ARHGAP19: variants seen among roughly 807,000 people sequenced by gnomAD.
ARHGAP19 encodes rho GTPase-activating protein 19.
ARHGAP19 carries 48 observed loss-of-function variants against 60.9 expected under a neutral mutation model. The observed-to-expected ratio is 0.79, with a 90% CI of 0.62 to 1.00. The LOEUF is 1.00. Ranked by LOEUF, ARHGAP19 falls within the 50% of genes least tolerant of loss-of-function variation. The pLI is 0.00. For missense variants in ARHGAP19, 562 were observed against 597.2 expected, an observed-to-expected ratio of 0.94 and a Z score of 0.61; for synonymous variants, 209 against 215.5, an observed-to-expected ratio of 0.97 and a Z score of 0.27.
intron 1 of ARHGAP19, among the ~76,000 whole-genome samples, chr10:97,267,321 G>A (rs1383123962): frequency 6.6e-6 from 1 of 152,206 alleles, no homozygotes; most frequent in Non-Finnish European, 1.5e-5. Flanking sequence ...GGGTTCTCAT[G>A]GTCTTGGGCA....
intron 5 of ARHGAP19, among the ~76,000 whole-genome samples, chr10:97,258,968 C>A (rs1408552950): frequency 6.6e-6 from 1 of 152,138 alleles, no homozygotes; most frequent in African/African-American, 2.4e-5. Flanking sequence ...AGGATTGCTC[C>A]AAGTGTCATC....
intron 8 of ARHGAP19, among the ~76,000 whole-genome samples, chr10:97,240,629 CGA>C (rs2134831238): frequency 6.6e-6 from 1 of 152,218 alleles, no homozygotes; most frequent in South Asian, 2.1e-4. Flanking sequence ...CCAGCCTAGG[CGA>C]CAGAGCAGAA....
At position 97,259,591 on chromosome 10, in the gene ARHGAP19, A is replaced by G; in HGVS notation, c.651T>C (p.Asn217=). The part of the protein sequence containing the change: ...MQFDDKGNKT[N]IPDKDRQIEA... ...CAATTTGCCGGTCCTTGTCTGGTAT[A>G]TTGGTCTTGTTTCCTTTATCATCAA... is the stretch of plus-strand genomic sequence containing the variant. Residue 217 remains asparagine (N), a synonymous_variant, in exon 5 of 12, where the codon AAT becomes AAC. Transcript: ENST00000358531. The G allele has an allele frequency of 6.2e-7, 1 of 1,614,156 alleles. No individual in the cohort carries two copies. Among genetic ancestry groups the G allele is most frequent in the South Asian group, 1.1e-5 (1 of 91,088 alleles).
intron 6 of ARHGAP19, among the ~76,000 whole-genome samples, chr10:97,252,651 T>A (rs1249208086): frequency 6.6e-6 from 1 of 151,880 alleles, no homozygotes; most frequent in Admixed American, 6.6e-5. Context: ...AAATAAAAAA[T>A]AACAGATGCT....
Position 97,265,905 on chromosome 10 carries a change from G to C in ARHGAP19, c.277C>G (p.Pro93Ala), listed in dbSNP as rs746537926. The C allele has an allele frequency of 5.6e-6, 9 of 1,613,908 alleles. No individual in the cohort carries two copies. Among genetic ancestry groups the C allele is most frequent in the Admixed American group, 3.3e-5 (2 of 59,974 alleles). The change falls in exon 2 of 12, where the codon CCA (proline) becomes GCA (alanine). Residue 93 changes from proline (P) to alanine (A), a missense_variant. By Grantham distance (27) the Pro-to-Ala change is conservative (BLOSUM62 -1). Transcript: ENST00000358531. Reference sequence around the variant, plus strand: ...AGAGACCGGAAGAATCCTGATGCTGGGCCAGCCCCGCCAGGCAACTTAAGG... The same window carrying C: ...AGAGACCGGAAGAATCCTGATGCTGCGCCAGCCCCGCCAGGCAACTTAAGG... ...VDLKLPGGAG[P>A]ASGFFRSLMS...
At chr10:97,257,244 C>T (rs1032807060) in intron 5 of ARHGAP19, among the ~76,000 whole-genome samples, 2 of 150,390 alleles carry the variant, frequency 1.3e-5, no homozygotes, top group African/African-American at 4.9e-5. Flanking sequence ...TCATTTTCAA[C>T]ATGTATCTTT....
chr10:97,228,491 G>GTC (rs1406533249), intron 11 of ARHGAP19, among the ~76,000 whole-genome samples: 59 of 152,312 alleles, frequency 3.9e-4, no homozygotes, highest in African/African-American at 1.3e-3. Context: ...GAGAAAACTT[G>GTC]AATTCATAGA....
intron 6 of ARHGAP19, among the ~76,000 whole-genome samples, chr10:97,250,390 CTTTT>C (rs34345215): frequency 1.9e-4 from 26 of 139,892 alleles, no homozygotes; most frequent in Non-Finnish European, 3.5e-4. Context: ...ATTTCTTTTT[CTTTT>C]TTTTTTTTTG....
In ARHGAP19 at chr10:97,246,306, A is replaced by C. The variant is rs537912016; in HGVS notation, c.959T>G (p.Leu320Trp). The C allele has an allele frequency of 5.6e-6, 9 of 1,613,852 alleles. No individual in the cohort carries two copies. Among genetic ancestry groups the C allele is most frequent in the Non-Finnish European group, 5.9e-6 (7 of 1,179,960 alleles). The change falls in exon 7 of 12, where the codon TTG (leucine) becomes TGG (tryptophan). Residue 320 changes from leucine to tryptophan, a missense_variant. Leu to Trp is a moderately conservative substitution (Grantham distance 61). Transcript: ENST00000358531. Reference sequence around the variant, plus strand: ...CTGAGTTCTGGATCCCAAATAGTGCAATCTCGCACACTCCCGAATGTAAGC... The same window carrying C: ...CTGAGTTCTGGATCCCAAATAGTGCCATCTCGCACACTCCCGAATGTAAGC... ...APAYIRECAR[L>W]HYLGSRTQAS...
At chr10:97,250,628 T>C (rs576664026) in intron 6 of ARHGAP19, among the ~76,000 whole-genome samples, 3 of 152,002 alleles carry the variant, frequency 2.0e-5, no homozygotes, top group African/African-American at 7.2e-5. Context: ...TCCACCTGCC[T>C]TGGCCTCCCA....
At chr10:97,258,117 T>C (rs1380587856) in intron 5 of ARHGAP19, among the ~76,000 whole-genome samples, 1 of 152,204 alleles carries the variant, frequency 6.6e-6, no homozygotes, top group African/African-American at 2.4e-5. Flanking sequence ...ATCAACGATG[T>C]TAATAGGTTG....
rs547330272 is a variant in ARHGAP19, at chr10:97,252,447, C to A, written c.927+3871G>T. Among the ~76,000 whole-genome samples, 95 of 150,790 alleles carry A rather than the reference C, an allele frequency of 6.3e-4. 2 individuals are homozygous for A. The highest frequency in any genetic ancestry group is 1.7e-3 in the African/African-American group (68 of 40,592). The stretch of plus-strand genomic sequence containing the variant: ...ACCATCCTGGCTAACATGGTGAAAC[C>A]CCGTCTCTACTAAAAATACAAAAAA... On this transcript the variant is annotated intron_variant, in intron 6 of 11. Coordinates refer to ENST00000358531, the MANE Select transcript of ARHGAP19 (RefSeq NM_032900.6).
rs1329156562 is a variant in ARHGAP19, at chr10:97,292,608, C to T, written c.20G>A (p.Ser7Asn). Residue 7 changes from serine to asparagine, a missense_variant, in exon 1 of 12, where the codon AGT (serine) becomes AAT (asparagine). By Grantham distance (46) the Ser-to-Asn change is conservative. Transcript: ENST00000358531. MATEAQ[S>N]EGEVPARESG... ...TTCGCGGGCTGGCACCTCCCCTTCA[C>T]TCTGTGCCTCAGTCGCCATCTTCGT... 1.1e-5 allele frequency: 17 copies of T among 1,614,106 alleles called. No individual in the cohort carries two copies. The highest frequency in any genetic ancestry group is 1.4e-5 in the Non-Finnish European group (17 of 1,180,050).
At chr10:97,268,974 C>T (rs770187146) in intron 1 of ARHGAP19, among the ~76,000 whole-genome samples, 29 of 152,066 alleles carry the variant, frequency 1.9e-4, no homozygotes, top group Non-Finnish European at 3.1e-4. Flanking sequence ...ATTATATAAC[C>T]AACAAATGGT....
rs750770057 is a variant in ARHGAP19, at chr10:97,223,713, C to T, written c.*2409G>A. Reference sequence around the variant, plus strand: ...AATACTGGCTCAAAAACAATACCTGCCCACCAAATCAGAAGGGAGACAGCA... The same window carrying T: ...AATACTGGCTCAAAAACAATACCTGTCCACCAAATCAGAAGGGAGACAGCA... On this transcript the variant is annotated 3_prime_UTR_variant, in exon 12 of 12. Transcript: ENST00000358531. The T allele has an allele frequency of 3.3e-5, 5 of 152,112 alleles. No homozygotes were observed. Among genetic ancestry groups the T allele is most frequent in the African/African-American group, 4.8e-5 (2 of 41,422 alleles). 9.4% of individuals were successfully genotyped at this position (152,112 alleles called of 1,614,324 possible).
intron 1 of ARHGAP19, among the ~76,000 whole-genome samples, chr10:97,283,512 C>A (rs1290234866): frequency 6.6e-6 from 1 of 151,832 alleles, no homozygotes; most frequent in Admixed American, 6.6e-5. Context: ...TGAGATCATG[C>A]CACTGCACTC....
chr10:97,226,607 G>A (rs1380494761), intron 11 of ARHGAP19, among the ~76,000 whole-genome samples: 1 of 152,168 alleles, frequency 6.6e-6, no homozygotes, highest in Non-Finnish European at 1.5e-5. Context: ...TCAGCACAAG[G>A]CACTGTCATT....
At position 97,282,109 on chromosome 10, in the gene ARHGAP19, T is replaced by C. The variant is rs7902340; in HGVS notation, c.56+10463A>G. ...AACCTCTCCCCATCTTTCGAATCTATGTGACCTGGTGGGCACTGCCTGTGA... is the reference window on the plus strand; with the variant it reads ...AACCTCTCCCCATCTTTCGAATCTACGTGACCTGGTGGGCACTGCCTGTGA... On this transcript the variant is annotated intron_variant, in intron 1 of 11. Transcript: ENST00000358531. 1.3e-3 allele frequency among the ~76,000 whole-genome samples: 204 copies of C among 152,330 alleles called. 1 individual carries two copies. The highest frequency in any genetic ancestry group is 4.7e-3 in the African/African-American group (196 of 41,574).
In ARHGAP19 at chr10:97,243,950, T is replaced by C. The variant is rs750875350; in HGVS notation, c.1185+18A>G. 4.4e-6 allele frequency: 7 copies of C among 1,585,934 alleles called. No homozygotes were observed. The highest frequency in any genetic ancestry group is 1.8e-5 in the Admixed American group (1 of 56,318). On this transcript the variant is annotated intron_variant, in intron 8 of 11. Coordinates refer to ENST00000358531, the MANE Select transcript of ARHGAP19 (RefSeq NM_032900.6). The stretch of plus-strand genomic sequence containing the variant: ...TACACTCCTAAAGCCCCATCACAAC[T>C]TCCCTGCCTTTAGGCACCTGTCTAA...
Sources: allele counts gnomAD v4.1 joint callset (sites outside exome capture counted in the v4.1 genomes callset), GRCh38; gene constraint gnomAD v4.1.1; transcripts MANE v1.5; gene names NCBI Gene and HGNC (gene_info 2026-07-23, HGNC 2026-07-21).